Variants in MICU1 observed in about 807,000 individuals in gnomAD.
MICU1 encodes mitochondrial calcium uptake 1, also known as calcium uptake protein 1, mitochondrial.
A neutral mutation model predicts 56.8 loss-of-function variants in MICU1; 45 were observed. The ratio of observed to expected loss-of-function variants is 0.79; its 90% CI spans 0.62 to 1.02. MICU1 has a LOEUF of 1.02. MICU1 is among the 50% of genes least tolerant of loss of function. The pLI is 0.00. For synonymous variants in MICU1, 186 were observed against 195.1 expected, an observed-to-expected ratio of 0.95 and a Z score of 0.39; for missense variants, 504 against 587.1, an observed-to-expected ratio of 0.86 and a Z score of 1.46.
intron 5 of MICU1, among the ~76,000 whole-genome samples, chr10:72,532,521 C>T (rs963847210): frequency 1.3e-5 from 2 of 152,092 alleles, no homozygotes; most frequent in African/African-American, 4.8e-5. Flanking sequence ...ACCTGACCCT[C>T]CAAAGACTCT....
intron 10 of MICU1, among the ~76,000 whole-genome samples, chr10:72,376,250 C>A (rs1006883956): frequency 2.0e-5 from 3 of 151,558 alleles, no homozygotes; most frequent in African/African-American, 7.3e-5. Flanking sequence ...TGCTCTCCAG[C>A]CTGGGAGAGT....
At chr10:72,614,700 G>A (rs1270720352) in intron 1 of MICU1, among the ~76,000 whole-genome samples, 2 of 152,182 alleles carry the variant, frequency 1.3e-5, no homozygotes, top group Non-Finnish European at 2.9e-5. Flanking sequence ...ACTTACATGA[G>A]GCACCTAGCA....
At chr10:72,450,243 A>G (rs1373559800) in intron 8 of MICU1, among the ~76,000 whole-genome samples, 2 of 152,050 alleles carry the variant, frequency 1.3e-5, no homozygotes, top group Admixed American at 6.6e-5. Flanking sequence ...GCAGGAAAAG[A>G]TATGAGTGAG....
At chr10:72,441,161 C>T (rs1040730608) in intron 8 of MICU1, among the ~76,000 whole-genome samples, 3 of 152,110 alleles carry the variant, frequency 2.0e-5, no homozygotes, top group African/African-American at 4.8e-5. Context: ...AAATGTCCAT[C>T]AATGATAGAC....
intron 1 of MICU1, among the ~76,000 whole-genome samples, chr10:72,624,832 A>C (rs1051542607): frequency 6.6e-6 from 1 of 152,194 alleles, no homozygotes; most frequent in Non-Finnish European, 1.5e-5. Context: ...GGCAAAAGCC[A>C]CCTTCCTACA....
intron 1 of MICU1, among the ~76,000 whole-genome samples, chr10:72,612,283 C>CA (rs58578214): frequency 0.59 from 87,194 of 147,626 alleles, 26,313 homozygotes; most frequent in Non-Finnish European, 0.67. Flanking sequence ...TTTTCTTAAC[C>CA]AAAAAAAAAA....
intron 1 of MICU1, among the ~76,000 whole-genome samples, chr10:72,581,154 T>C (rs754349651): frequency 1.3e-5 from 2 of 152,216 alleles, no homozygotes; most frequent in Non-Finnish European, 1.5e-5. Context: ...GAACAACTTA[T>C]TAAATACACA....
At chr10:72,524,174 G>A (rs984818651) in intron 5 of MICU1, among the ~76,000 whole-genome samples, 3 of 152,192 alleles carry the variant, frequency 2.0e-5, no homozygotes, top group African/African-American at 4.8e-5. Flanking sequence ...CCAGGCTGGA[G>A]TAGTGTCACA....
intron 4 of MICU1, among the ~76,000 whole-genome samples, chr10:72,537,135 C>T (rs1839657605): frequency 6.6e-6 from 1 of 152,158 alleles, no homozygotes; most frequent in Non-Finnish European, 1.5e-5. Context: ...TAAGCAAATA[C>T]TGACATGAAG....
chr10:72,435,385 CAAAAA>C (rs34955776), intron 8 of MICU1, among the ~76,000 whole-genome samples: 2 of 48,060 alleles, frequency 4.2e-5, no homozygotes, highest in Non-Finnish European at 9.9e-5. Flanking sequence ...GACCCTGTTA[CAAAAA>C]AAAAAAAAAA....
intron 9 of MICU1, among the ~76,000 whole-genome samples, chr10:72,411,978 TATA>T (rs1863829918): frequency 6.6e-6 from 1 of 152,210 alleles, no homozygotes; most frequent in African/African-American, 2.4e-5. Context: ...ATCACAAAGA[TATA>T]ATAAAAAATT....
chr10:72,497,665 T>C (rs1866892719), intron 6 of MICU1, among the ~76,000 whole-genome samples: 2 of 152,138 alleles, frequency 1.3e-5, no homozygotes, highest in South Asian at 4.1e-4. Flanking sequence ...ATAGGATAAG[T>C]GAGAAGAGTT....
chr10:72,512,258 C>T (rs888730087), intron 5 of MICU1, among the ~76,000 whole-genome samples: 1 of 151,664 alleles, frequency 6.6e-6, no homozygotes, highest in Non-Finnish European at 1.5e-5. Flanking sequence ...TTACAGGTGC[C>T]CGCCACCACG....
chr10:72,520,899 C>T (rs947232456), intron 5 of MICU1, among the ~76,000 whole-genome samples: 14 of 152,078 alleles, frequency 9.2e-5, no homozygotes, highest in Non-Finnish European at 2.1e-4. Context: ...TTCAACTCTA[C>T]CATGTTATTT....
intron 8 of MICU1, among the ~76,000 whole-genome samples, chr10:72,448,191 A>ATT (rs879641500): frequency 0.011 from 424 of 39,392 alleles, 10 homozygotes; most frequent in Middle Eastern, 0.017. Context: ...ATATATATAT[A>ATT]TATTTTTTTT....
Position 72,477,197 on chromosome 10 carries a change from C to T in MICU1, c.712G>A (p.Val238Ile). The T allele has an allele frequency of 1.3e-6, 2 of 1,549,158 alleles. No homozygotes were observed. The highest frequency in any genetic ancestry group is 2.4e-5 in the East Asian group (1 of 40,992). ...KMFDLNGDGE[V>I]DMEEFEQVQS... ...GCCTGTTCAAATTCTTCCATATCTACTTCTCCATCTCCATTCAAATCAAAC... is the reference window on the plus strand; with the variant it reads ...GCCTGTTCAAATTCTTCCATATCTATTTCTCCATCTCCATTCAAATCAAAC... Residue 238 changes from valine to isoleucine, a missense_variant, in exon 7 of 12, where the codon GTA becomes ATA. Transcript: ENST00000361114.
chr10:72,453,490 G>GA (rs11419078), intron 8 of MICU1, among the ~76,000 whole-genome samples: 87,489 of 151,920 alleles, frequency 0.58, 26,053 homozygotes, highest in Non-Finnish European at 0.67. Flanking sequence ...CACAGCATTG[G>GA]AAAAAATCCC....
intron 10 of MICU1, among the ~76,000 whole-genome samples, chr10:72,376,438 C>T (rs903356286): frequency 6.6e-6 from 1 of 152,006 alleles, no homozygotes; most frequent in African/African-American, 2.4e-5. Context: ...GTAATCCCAG[C>T]ACTTTGGGAT....
chr10:72,403,422 G>C (rs113624874), intron 10 of MICU1, among the ~76,000 whole-genome samples: 10,858 of 151,766 alleles, frequency 0.072, 1,329 homozygotes, highest in African/African-American at 0.25. Context: ...TTGCTATGTT[G>C]CCCAGGCTGG....
Sources: gnomAD v4.1 joint callset for allele counts (sites outside exome capture counted in the v4.1 genomes callset) on GRCh38, gnomAD v4.1.1 for gene constraint, MANE v1.5 for transcripts, NCBI Gene and HGNC (gene_info 2026-07-23, HGNC 2026-07-21) for gene names.